Variants in CEP164 observed in about 807,000 individuals in gnomAD.
CEP164 encodes centrosomal protein 164.
Under a neutral mutation model 182.7 loss-of-function variants are expected in CEP164, and 162 were observed. The observed-to-expected ratio is 0.89, with a 90% CI of 0.78 to 1.01. The LOEUF (loss-of-function observed/expected upper bound fraction) is 1.01. Ranked by LOEUF, CEP164 falls within the 50% of genes least tolerant of loss-of-function variation. CEP164 has a pLI of 0.00. For missense variants in CEP164, 1,735 were observed against 1,790.4 expected (o/e 0.97, Z 0.56); for synonymous variants, 661 against 690.0 (o/e 0.96, Z 0.66).
At chr11:117,402,331 C>T (rs557895874) in intron 27 of CEP164, among the ~76,000 whole-genome samples, 1 of 152,138 alleles carries the variant, frequency 6.6e-6, no homozygotes, top group East Asian at 1.9e-4. Context: ...AGCGATTCTC[C>T]TGCTTCAGCC....
intron 11 of CEP164, among the ~76,000 whole-genome samples, chr11:117,377,777 C>T (rs1187784138): frequency 1.3e-5 from 2 of 152,138 alleles, no homozygotes; most frequent in Non-Finnish European, 2.9e-5. Context: ...ATAAGTTTTA[C>T]CGTATTATAT....
At chr11:117,342,921 C>A (rs567709962) in intron 3 of CEP164, among the ~76,000 whole-genome samples, 1 of 152,302 alleles carries the variant, frequency 6.6e-6, no homozygotes, top group South Asian at 2.1e-4. Context: ...GTCCCCCAGG[C>A]TGGAGTATAG....
chr11:117,359,881 C>G (rs1208909265), intron 5 of CEP164, among the ~76,000 whole-genome samples: 1 of 152,222 alleles, frequency 6.6e-6, no homozygotes, highest in African/African-American at 2.4e-5. Context: ...GCAAGGCACA[C>G]ATCATCTCCA....
Position 117,409,457 on chromosome 11 carries a change from C to G in CEP164, c.3749-161C>G. On this transcript the variant is annotated intron_variant, in intron 29 of 32. Coordinates refer to ENST00000278935, the MANE Select transcript of CEP164 (RefSeq NM_014956.5). This position sits in a 1 kb window ranked among gnomAD's most constrained non-coding sequence, Gnocchi z 4.4. ...CTTCTCACTTGCACTGTCTGGAACA[C>G]AGAAGCCCTGCCATCCCTGACCCCC... is the stretch of plus-strand genomic sequence containing the variant. 2.9e-6 allele frequency: 2 copies of G among 681,648 alleles called. No individual in the cohort carries two copies. The highest frequency in any genetic ancestry group is 1.8e-5 in the South Asian group (1 of 55,070). 42.2% of individuals were successfully genotyped at this position (681,648 alleles called of 1,614,324 possible).
chr11:117,324,755 A>G (rs1333630988), upstream of CEP164, among the ~76,000 whole-genome samples: 1 of 152,122 alleles, frequency 6.6e-6, no homozygotes, highest in African/African-American at 2.4e-5. Flanking sequence ...TAATCCCAGC[A>G]CTTTGGAAGG....
chr11:117,407,762 C>T (rs2046879334), intron 27 of CEP164, among the ~76,000 whole-genome samples, 163 bp from the exon 28 acceptor site: 1 of 152,226 alleles, frequency 6.6e-6, no homozygotes. Flanking sequence ...TACTCTTTCT[C>T]TTGTAATTCT....
chr11:117,377,281 T>C (rs572007257), intron 11 of CEP164, among the ~76,000 whole-genome samples: 1 of 152,366 alleles, frequency 6.6e-6, no homozygotes, highest in Admixed American at 6.5e-5. Flanking sequence ...TTCATGCTCC[T>C]GTCAGAACCC....
chr11:117,381,904 G>A lies in CEP164; in HGVS notation c.1577+36G>A, dbSNP rs201183538. 1.2e-4 allele frequency: 176 copies of A among 1,453,296 alleles called. No homozygotes were observed. In the African/African-American group the frequency reaches 1.9e-3, roughly 16 times the overall value. 90.0% of individuals were successfully genotyped at this position (1,453,296 alleles called of 1,614,324 possible). On this transcript the variant is annotated intron_variant, in intron 13 of 32. Coordinates refer to ENST00000278935, the MANE Select transcript of CEP164 (RefSeq NM_014956.5). ...GGGGAAGCATCCTCATGAGGATGAG[G>A]GCTGGTGGCTGCTCTGTGTGTAGTG...
rs1481730346 is a variant in CEP164, at chr11:117,409,556, C to T, written c.3749-62C>T. On this transcript the variant is annotated intron_variant, in intron 29 of 32. Coordinates refer to ENST00000278935, the MANE Select transcript of CEP164 (RefSeq NM_014956.5). This position sits in a 1 kb window ranked among gnomAD's most constrained non-coding sequence, Gnocchi z 4.4. ...GTAGGGTCCTCCATGACAGCTGTGT[C>T]TGGGAATGGTCCAGGGTCCTGAGCT... The T allele has an allele frequency of 6.9e-7, 1 of 1,458,894 alleles. No homozygotes were observed. 90.4% of individuals were successfully genotyped at this position (1,458,894 alleles called of 1,614,324 possible). A position where few individuals can be genotyped will look rare whatever the true frequency, so the allele number is the denominator to read the frequency against.
intron 1 of CEP164, chr11:117,328,334 A>C (rs1187175627): frequency 6.6e-6 from 1 of 152,278 alleles, no homozygotes; most frequent in African/African-American, 2.4e-5. Flanking sequence ...CTTCTGTGGC[A>C]GGCTTCCCCC....
chr11:117,353,071 G>T (rs1207192480), intron 5 of CEP164, among the ~76,000 whole-genome samples: 1 of 152,160 alleles, frequency 6.6e-6, no homozygotes, highest in Non-Finnish European at 1.5e-5. Context: ...AGAACGCTGT[G>T]GTGGTCCCTT....
intron 3 of CEP164, among the ~76,000 whole-genome samples, chr11:117,339,443 A>G (rs960181544): frequency 6.6e-6 from 1 of 152,012 alleles, no homozygotes; most frequent in African/African-American, 2.4e-5. Context: ...AGTAACAATA[A>G]CAACATAACT....
intron 2 of CEP164, chr11:117,336,703 A>C: frequency 2.7e-6 from 2 of 753,622 alleles, no homozygotes; most frequent in Non-Finnish European, 4.7e-6. Flanking sequence ...TGATGTTTTT[A>C]ATGGCTGGGC....
At chr11:117,344,321 G>C in intron 4 of CEP164, 44 bp downstream of exon 4, 1 of 1,319,988 alleles carries the variant, frequency 7.6e-7, no homozygotes, top group Non-Finnish European at 1.1e-6. Context: ...CCTAGCAGAG[G>C]CAGAGGGAAG....
intron 14 of CEP164, 146 bp downstream of exon 14, chr11:117,383,088 C>G: frequency 1.1e-6 from 1 of 940,314 alleles, no homozygotes; most frequent in Non-Finnish European, 1.5e-6. Context: ...CCTTGGTGCT[C>G]TGTGTGCAGC....
intron 5 of CEP164, among the ~76,000 whole-genome samples, chr11:117,358,774 A>C (rs1167872257): frequency 6.6e-6 from 1 of 151,830 alleles, no homozygotes; most frequent in Non-Finnish European, 1.5e-5. Flanking sequence ...CCTAAAAGTG[A>C]TCCTCCTGCC....
In CEP164 at chr11:117,408,027, G is replaced by A. The variant is rs1216610724; in HGVS notation, c.3604G>A (p.Glu1202Lys). 1 of 1,583,582 alleles carries A rather than the reference G, an allele frequency of 6.3e-7. No individual in the cohort carries two copies. Among genetic ancestry groups the A allele is most frequent in the Non-Finnish European group, 8.6e-7 (1 of 1,163,830 alleles). Residue 1202 changes from glutamate (E) to lysine (K), a missense_variant, in exon 28 of 33, where the codon GAA (glutamate) becomes AAA (lysine). By Grantham distance (56) the Glu-to-Lys change is moderately conservative. Transcript: ENST00000278935. ...GAATCAGTTGGAGTCCTCTCTTTGG[G>A]AAGAGGTGCAGCCCCATGTCCACAT... ...KLNQLESSLW[E>K]EASDEGTLGG...
rs770207827 is a variant in CEP164 at position 117,387,330 on chromosome 11, A to G, written c.1852A>G (p.Met618Val). The part of the protein sequence containing the change: ...RHLLESKQEK[M>V]QQLREKLCQE... ...CCTGCTGGAATCCAAGCAAGAGAAGATGCAGCAACTGCGGGAGAAGCTGTG... is the reference window on the plus strand; with the variant it reads ...CCTGCTGGAATCCAAGCAAGAGAAGGTGCAGCAACTGCGGGAGAAGCTGTG... Residue 618 changes from methionine to valine, a missense_variant, in exon 15 of 33, where the codon ATG (methionine) becomes GTG (valine). Physicochemically the swap from Met to Val is conservative, Grantham distance 21. Coordinates refer to ENST00000278935, the MANE Select transcript of CEP164 (RefSeq NM_014956.5). The G allele has an allele frequency of 1.2e-6, 2 of 1,614,212 alleles. No individual in the cohort carries two copies. Among genetic ancestry groups the G allele is most frequent in the South Asian group, 1.1e-5 (1 of 91,080 alleles).
chr11:117,351,649 A>T (rs981406839), intron 4 of CEP164, 141 bp from the exon 5 acceptor site: 9 of 702,832 alleles, frequency 1.3e-5, no homozygotes, highest in Non-Finnish European at 1.9e-5. Flanking sequence ...AACCCCTCTC[A>T]TTCCATCTTC....
Sources: gnomAD v4.1 joint callset for allele counts (sites outside exome capture counted in the v4.1 genomes callset) on GRCh38, gnomAD v4.1.1 for gene constraint, Gnocchi (gnomAD v3.1) non-coding constraint, MANE v1.5 for transcripts, NCBI Gene and HGNC (gene_info 2026-07-23, HGNC 2026-07-21) for gene names.